CNTN3: variants seen among roughly 807,000 people sequenced by gnomAD.
CNTN3 encodes contactin 3.
Under a neutral mutation model 119.1 loss-of-function variants are expected in CNTN3, and 60 were observed. The observed-to-expected ratio is 0.50, with a 90% CI of 0.41 to 0.62. CNTN3 has a LOEUF of 0.62. CNTN3 is among the 20% of genes least tolerant of loss of function. The probability of loss-of-function intolerance (pLI) is 0.00; values close to 1 mark genes in which losing one functional copy is unlikely to be tolerated. For synonymous variants in CNTN3, 450 were observed against 438.7 expected, an observed-to-expected ratio of 1.03 and a Z score of -0.32; for missense variants, 1,101 against 1,242.4, an observed-to-expected ratio of 0.89 and a Z score of 1.71.
chr3:74,366,257 A>T (rs958792529), intron 8 of CNTN3, among the ~76,000 whole-genome samples: 2 of 152,294 alleles, frequency 1.3e-5, no homozygotes, highest in Admixed American at 6.5e-5. Context: ...AGATCAAAGC[A>T]GGAAAAGATG....
chr3:74,495,689 T>A (rs1223450429), intron 3 of CNTN3, among the ~76,000 whole-genome samples: 1 of 152,042 alleles, frequency 6.6e-6, no homozygotes, highest in East Asian at 1.9e-4. Context: ...TGACTATCAG[T>A]AAATTAAATG....
intron 5 of CNTN3, among the ~76,000 whole-genome samples, chr3:74,381,971 G>A (rs926961012): frequency 6.6e-6 from 1 of 152,084 alleles, no homozygotes; most frequent in African/African-American, 2.4e-5. Context: ...CACTTTGGGA[G>A]GCCGAGGCGG....
chr3:74,554,783 A>C (rs1704044249), intron 1 of CNTN3, among the ~76,000 whole-genome samples: 1 of 152,214 alleles, frequency 6.6e-6, no homozygotes, highest in Admixed American at 6.5e-5. Flanking sequence ...ACTTTGCTGA[A>C]GTTGCTTGTC....
intron 3 of CNTN3, among the ~76,000 whole-genome samples, chr3:74,491,909 T>C (rs188361111): frequency 3.9e-5 from 6 of 152,266 alleles, no homozygotes; most frequent in African/African-American, 1.2e-4. Context: ...CCAAATCCCA[T>C]TCCAAAAGGC....
chr3:74,407,669 A>T (rs1701358476), intron 5 of CNTN3, among the ~76,000 whole-genome samples: 1 of 152,086 alleles, frequency 6.6e-6, no homozygotes, highest in East Asian at 1.9e-4. Context: ...GGAGTGGACG[A>T]TGAGCAGTTG....
chr3:74,430,957 G>A (rs1701774125), intron 4 of CNTN3, among the ~76,000 whole-genome samples: 1 of 152,026 alleles, frequency 6.6e-6, no homozygotes. Context: ...TACTCTACCA[G>A]AGCCCATAGC....
At chr3:74,416,471 A>G (rs1701522728) in intron 5 of CNTN3, among the ~76,000 whole-genome samples, 1 of 152,180 alleles carries the variant, frequency 6.6e-6, no homozygotes, top group African/African-American at 2.4e-5. Context: ...TTGGAACTCA[A>G]GCAGTCTAGC....
At chr3:74,322,232 T>C (rs1246277927) in intron 13 of CNTN3, among the ~76,000 whole-genome samples, 1 of 147,506 alleles carries the variant, frequency 6.8e-6, no homozygotes, top group Non-Finnish European at 1.5e-5. Flanking sequence ...TTGGAGAACA[T>C]ATTTGCAAAA....
chr3:74,521,773 C>T (rs1433223835), intron 1 of CNTN3, among the ~76,000 whole-genome samples: 1 of 151,632 alleles, frequency 6.6e-6, no homozygotes, highest in Non-Finnish European at 1.5e-5. Flanking sequence ...AAACCATTTT[C>T]TTTTTTGCTT....
At chr3:74,354,291 T>C (rs968327351) in intron 11 of CNTN3, among the ~76,000 whole-genome samples, 1 of 152,116 alleles carries the variant, frequency 6.6e-6, no homozygotes, top group African/African-American at 2.4e-5. Context: ...ACTGAGGTTA[T>C]TGCAATAAAA....
chr3:74,572,721 C>T (rs1704354350), intron 1 of CNTN3, among the ~76,000 whole-genome samples: 1 of 152,166 alleles, frequency 6.6e-6, no homozygotes, highest in Admixed American at 6.5e-5. Flanking sequence ...TAATTAAATA[C>T]TTGCTTATAA....
chr3:74,564,883 T>C (rs1704204519), intron 1 of CNTN3, among the ~76,000 whole-genome samples: 3 of 152,150 alleles, frequency 2.0e-5, no homozygotes, highest in African/African-American at 4.8e-5. Flanking sequence ...CGTGGAACAA[T>C]GAAATGTGAT....
At chr3:74,472,123 T>C (rs6549598) in intron 4 of CNTN3, among the ~76,000 whole-genome samples, 108,301 of 152,040 alleles carry the variant, frequency 0.71, 38,935 homozygotes, top group African/African-American at 0.8. Context: ...GAACATTCTA[T>C]GCTCATATAA....
In CNTN3 at chr3:74,588,833, C is replaced by A. The variant is rs79459960; in HGVS notation, c.-81+25558G>T. Among the ~76,000 whole-genome samples, 103 of 152,240 alleles carry A rather than the reference C, an allele frequency of 6.8e-4. No individual in the cohort carries two copies. In the East Asian group the frequency reaches 0.017, roughly 25 times the overall value. ...TACAACTATCTGATCTTTGACAAATCTGAGAAAAACAAGCAATGGGGAAAG... is the reference window on the plus strand; with the variant it reads ...TACAACTATCTGATCTTTGACAAATATGAGAAAAACAAGCAATGGGGAAAG... On this transcript the variant is annotated intron_variant, in intron 1 of 22. Coordinates refer to ENST00000263665, the MANE Select transcript of CNTN3 (RefSeq NM_020872.3).
At chr3:74,444,226 T>G (rs1341280893) in intron 4 of CNTN3, among the ~76,000 whole-genome samples, 1 of 152,032 alleles carries the variant, frequency 6.6e-6, no homozygotes, top group African/African-American at 2.4e-5. Context: ...ACAACCCTAT[T>G]TTCAAACAAC....
At chr3:74,282,861 T>C (rs1702041360) in intron 20 of CNTN3, among the ~76,000 whole-genome samples, 1 of 152,160 alleles carries the variant, frequency 6.6e-6, no homozygotes, top group African/African-American at 2.4e-5. Flanking sequence ...TTATATGCCA[T>C]TTTAGGATGA....
chr3:74,454,281 C>G (rs1252245233), intron 4 of CNTN3, among the ~76,000 whole-genome samples: 1 of 135,052 alleles, frequency 7.4e-6, no homozygotes, highest in Non-Finnish European at 1.6e-5. Flanking sequence ...TTCTTTGTCT[C>G]TTTTGATCTT....
At chr3:74,561,715 T>C (rs1704156782) in intron 1 of CNTN3, among the ~76,000 whole-genome samples, 1 of 152,180 alleles carries the variant, frequency 6.6e-6, no homozygotes, top group Non-Finnish European at 1.5e-5. Flanking sequence ...TTAGTGTTTA[T>C]CTCATTTCAA....
chr3:74,562,661 G>A (rs972299436), intron 1 of CNTN3, among the ~76,000 whole-genome samples: 1 of 152,156 alleles, frequency 6.6e-6, no homozygotes, highest in African/African-American at 2.4e-5. Context: ...CTCCTCCTCT[G>A]CTACCATGGC....
Sources: allele counts gnomAD v4.1 joint callset (sites outside exome capture counted in the v4.1 genomes callset), GRCh38; gene constraint gnomAD v4.1.1; transcripts MANE v1.5; gene names NCBI Gene and HGNC (gene_info 2026-07-23, HGNC 2026-07-21).